Variants in SLMAP observed in about 807,000 individuals in gnomAD.
The protein encoded by SLMAP is sarcolemma associated protein.
SLMAP carries 44 observed loss-of-function variants against 128.8 expected under a neutral mutation model. The observed-to-expected ratio is 0.34, with a 90% CI of 0.27 to 0.44. SLMAP has a LOEUF of 0.44. Among genes scored for constraint, SLMAP ranks in the 20% least tolerant of loss-of-function variants. The pLI is 1.00. For synonymous variants in SLMAP, 327 were observed against 348.8 expected, an observed-to-expected ratio of 0.94 and a Z score of 0.70; for missense variants, 787 against 985.3, an observed-to-expected ratio of 0.80 and a Z score of 2.69.
chr3:57,837,915 A>G (rs1159386805), intron 3 of SLMAP, among the ~76,000 whole-genome samples: 2 of 152,208 alleles, frequency 1.3e-5, no homozygotes, highest in African/African-American at 2.4e-5. Flanking sequence ...ACTGGACTAA[A>G]TTGTGAGCTT....
At chr3:57,803,386 A>G (rs1207298163) in intron 2 of SLMAP, among the ~76,000 whole-genome samples, 1 of 152,242 alleles carries the variant, frequency 6.6e-6, no homozygotes, top group African/African-American at 2.4e-5. Context: ...AATATTTTAT[A>G]CATTTGTTGG....
chr3:57,791,385 T>G (rs1283817934), intron 2 of SLMAP, among the ~76,000 whole-genome samples: 2 of 151,970 alleles, frequency 1.3e-5, no homozygotes, highest in African/African-American at 4.8e-5. Context: ...ATCATTTTAT[T>G]TAGTATATGT....
intron 2 of SLMAP, among the ~76,000 whole-genome samples, chr3:57,779,214 A>G (rs1259342114): frequency 3.3e-5 from 5 of 152,164 alleles, no homozygotes; most frequent in Non-Finnish European, 7.4e-5. Flanking sequence ...TTAAGATAAA[A>G]TTTGAAAAAT....
intron 2 of SLMAP, among the ~76,000 whole-genome samples, chr3:57,819,531 A>G (rs1290744030): frequency 1.3e-5 from 2 of 151,994 alleles, no homozygotes; most frequent in Non-Finnish European, 2.9e-5. Context: ...CAATTTTACC[A>G]ATCTTTAATG....
intron 15 of SLMAP, chr3:57,890,362 A>G: frequency 3.0e-6 from 1 of 330,594 alleles, no homozygotes; most frequent in Non-Finnish European, 5.5e-6. Flanking sequence ...TTCTTTAGGT[A>G]TTAAAGATTT....
At chr3:57,824,356 A>G (rs1185036850) in intron 2 of SLMAP, among the ~76,000 whole-genome samples, 1 of 152,210 alleles carries the variant, frequency 6.6e-6, no homozygotes, top group Non-Finnish European at 1.5e-5. Context: ...AAAAATAGTC[A>G]GAGAAATAAT....
chr3:57,889,717 T>C (rs2153648372), intron 14 of SLMAP, among the ~76,000 whole-genome samples: 1 of 152,370 alleles, frequency 6.6e-6, no homozygotes, highest in Middle Eastern at 3.4e-3. Flanking sequence ...TCATAAATCT[T>C]TTATTTTAAC....
At chr3:57,792,911 G>C (rs1023940746) in intron 2 of SLMAP, among the ~76,000 whole-genome samples, 8 of 152,086 alleles carry the variant, frequency 5.3e-5, no homozygotes, top group African/African-American at 1.7e-4. Flanking sequence ...GCTAAGCGGG[G>C]TGGATTGCTT....
rs2094168135 is a variant in SLMAP, at chr3:57,844,895, A to G, written c.420-2302A>G. ...ACACCCGGCTGGTTTTTGTATTTTTAGTAGAAACAGGTTTCACCATGTTGG... is the reference window on the plus strand; with the variant it reads ...ACACCCGGCTGGTTTTTGTATTTTTGGTAGAAACAGGTTTCACCATGTTGG... On this transcript the variant is annotated intron_variant, in intron 4 of 24. Transcript: ENST00000671191. Among the ~76,000 whole-genome samples the G allele has an allele frequency of 2.0e-5, 3 of 151,878 alleles. 1 individual carries two copies. The highest frequency in any genetic ancestry group is 6.6e-5 in the Admixed American group (1 of 15,232).
At chr3:57,783,702 G>A (rs1427405924) in intron 2 of SLMAP, among the ~76,000 whole-genome samples, 1 of 152,198 alleles carries the variant, frequency 6.6e-6, no homozygotes, top group Admixed American at 6.5e-5. Context: ...GATTAGTATG[G>A]ATAGGAGGGA....
At chr3:57,807,704 G>A (rs1251083554) in intron 2 of SLMAP, among the ~76,000 whole-genome samples, 1 of 152,140 alleles carries the variant, frequency 6.6e-6, no homozygotes, top group African/African-American at 2.4e-5. Context: ...GTATTTTACT[G>A]AGGGTTTTCG....
intron 6 of SLMAP, among the ~76,000 whole-genome samples, chr3:57,855,399 G>T (rs1319170966): frequency 6.6e-6 from 1 of 151,654 alleles, no homozygotes; most frequent in Non-Finnish European, 1.5e-5. Flanking sequence ...GAAAAGAAAA[G>T]AAAAAGATAG....
chr3:57,807,520 A>G (rs950446502), intron 2 of SLMAP, among the ~76,000 whole-genome samples: 2 of 152,122 alleles, frequency 1.3e-5, no homozygotes, highest in African/African-American at 2.4e-5. Context: ...AATTTTATCG[A>G]AGGCCTTTCT....
chr3:57,770,598 T>C (rs1403245272), intron 2 of SLMAP, among the ~76,000 whole-genome samples: 2 of 152,218 alleles, frequency 1.3e-5, no homozygotes, highest in Non-Finnish European at 2.9e-5. Context: ...GGAGTTGGAC[T>C]ACTGGTATTG....
At chr3:57,863,024 C>G (rs1369395041) in intron 10 of SLMAP, among the ~76,000 whole-genome samples, 2 of 152,100 alleles carry the variant, frequency 1.3e-5, no homozygotes, top group Non-Finnish European at 2.9e-5. Context: ...CAGCAAAACC[C>G]ATGATATTCA....
At chr3:57,824,237 G>T (rs1272819456) in intron 2 of SLMAP, among the ~76,000 whole-genome samples, 1 of 152,070 alleles carries the variant, frequency 6.6e-6, no homozygotes, top group Admixed American at 6.6e-5. Flanking sequence ...GGAGCAGAGA[G>T]AAAAATTTGA....
chr3:57,879,129 A>T (rs1350142765), intron 14 of SLMAP, among the ~76,000 whole-genome samples: 2 of 152,216 alleles, frequency 1.3e-5, no homozygotes, highest in Non-Finnish European at 2.9e-5. Context: ...AAGCATTGAG[A>T]TTACAGGCAT....
Position 57,857,820 on chromosome 3 carries a change from A to G in SLMAP, c.607A>G (p.Ser203Gly). The change falls in exon 7 of 25, where the codon AGT (serine) becomes GGT (glycine). Residue 203 changes from serine to glycine, a missense_variant. Coordinates refer to ENST00000671191, the MANE Select transcript of SLMAP (RefSeq NM_001377540.1). ...LAITQEASDT[S>G]WQALIDEDRL... ...CATCACCCAAGAGGCTTCAGATACC[A>G]GTTGGCAGGTATTCCAGTTGTTTTA... 1 of 1,599,398 alleles carries G rather than the reference A, an allele frequency of 6.3e-7. No homozygotes were observed. Among genetic ancestry groups the G allele is most frequent in the Admixed American group, 1.7e-5 (1 of 59,908 alleles).
chr3:57,788,676 A>G (rs1404816494), intron 2 of SLMAP, among the ~76,000 whole-genome samples: 1 of 152,334 alleles, frequency 6.6e-6, no homozygotes, highest in East Asian at 1.9e-4. Context: ...GTGAAGTACA[A>G]AGCAGGGGAG....
Sources: allele counts gnomAD v4.1 joint callset (sites outside exome capture counted in the v4.1 genomes callset), GRCh38; gene constraint gnomAD v4.1.1; transcripts MANE v1.5; gene names NCBI Gene and HGNC (gene_info 2026-07-23, HGNC 2026-07-21).